The following DPP10 variants were observed in gnomAD, a reference collection of about 807,000 sequenced individuals.
DPP10 encodes dipeptidyl peptidase like 10.
A neutral mutation model predicts 120.9 loss-of-function variants in DPP10; 33 were observed. The ratio of observed to expected loss-of-function variants is 0.27; its 90% CI spans 0.21 to 0.37. The LOEUF is 0.37. DPP10 is among the 10% of genes least tolerant of loss of function. The pLI is 1.00. For missense variants in DPP10, 816 were observed against 942.8 expected, an observed-to-expected ratio of 0.87 and a Z score of 1.76; for synonymous variants, 337 against 326.1, an observed-to-expected ratio of 1.03 and a Z score of -0.36.
chr2:114,804,439 G>C lies in DPP10; in HGVS notation c.60+361601G>C, dbSNP rs571931217. On this transcript the variant is annotated intron_variant, in intron 1 of 25. Transcript: ENST00000410059. ...GGTAGATCCACCAACAGCTTGCACT[G>C]TGCACCTGAAAAGCCACAGACACTC... is the stretch of plus-strand genomic sequence containing the variant. Among the ~76,000 whole-genome samples the C allele has an allele frequency of 2.1e-4, 32 of 152,246 alleles. 1 individual carries two copies. Among genetic ancestry groups the C allele is most frequent in the African/African-American group, 7.7e-4 (32 of 41,528 alleles).
intron 1 of DPP10, among the ~76,000 whole-genome samples, chr2:114,854,349 T>C (rs576964288): frequency 6.6e-6 from 1 of 152,334 alleles, no homozygotes; most frequent in East Asian, 1.9e-4. Context: ...GAAATAAATA[T>C]TAGAGTTTAT....
intron 1 of DPP10, among the ~76,000 whole-genome samples, chr2:114,945,169 A>G (rs558527386): frequency 5.9e-5 from 9 of 152,356 alleles, no homozygotes; most frequent in African/African-American, 2.2e-4. Context: ...AAATCTATGT[A>G]AATTTGTGTT....
At chr2:115,655,121 A>G (rs1432620834) in intron 5 of DPP10, among the ~76,000 whole-genome samples, 1 of 151,692 alleles carries the variant, frequency 6.6e-6, no homozygotes. Context: ...ACTGGAGATG[A>G]AGTTGGGTTG....
At chr2:115,354,719 G>C (rs2064258577) in intron 3 of DPP10, among the ~76,000 whole-genome samples, 1 of 150,990 alleles carries the variant, frequency 6.6e-6, no homozygotes, top group Non-Finnish European at 1.5e-5. Context: ...CCCAACAATA[G>C]GCCCTGGTGT....
At chr2:114,945,114 C>T (rs987453014) in intron 1 of DPP10, among the ~76,000 whole-genome samples, 4 of 152,236 alleles carry the variant, frequency 2.6e-5, no homozygotes, top group East Asian at 1.9e-4. Context: ...ACAGGTTACA[C>T]GTAAAATGCA....
intron 4 of DPP10, among the ~76,000 whole-genome samples, chr2:115,514,414 T>C (rs547130346): frequency 3.3e-5 from 5 of 151,888 alleles, no homozygotes; most frequent in African/African-American, 1.2e-4. Context: ...TTTTAAATAT[T>C]GGATATGTCT....
intron 1 of DPP10, among the ~76,000 whole-genome samples, chr2:115,088,646 G>T (rs1402244881): frequency 1.4e-5 from 2 of 145,278 alleles, no homozygotes; most frequent in Non-Finnish European, 3.0e-5. Context: ...GGATCTCACT[G>T]TGTTGCCCAG....
intron 5 of DPP10, among the ~76,000 whole-genome samples, chr2:115,655,216 A>G (rs1398716277): frequency 1.3e-5 from 2 of 151,624 alleles, no homozygotes; most frequent in Non-Finnish European, 3.0e-5. Flanking sequence ...GTAACTTTTT[A>G]GGCTTTATTT....
chr2:115,204,484 T>C (rs2055975972), intron 1 of DPP10, among the ~76,000 whole-genome samples: 1 of 152,106 alleles, frequency 6.6e-6, no homozygotes, highest in Admixed American at 6.6e-5. Context: ...AAAAATAGCC[T>C]TTTGACAATG....
chr2:114,463,912 T>C (rs150756157), intron 1 of DPP10, among the ~76,000 whole-genome samples: 5 of 152,320 alleles, frequency 3.3e-5, no homozygotes, highest in Admixed American at 3.3e-4. Context: ...CCTTTTCAGA[T>C]AGGCTTTTTT....
intron 7 of DPP10, among the ~76,000 whole-genome samples, chr2:115,711,326 A>G (rs2092307429): frequency 6.6e-6 from 1 of 152,166 alleles, no homozygotes; most frequent in South Asian, 2.1e-4. Flanking sequence ...TGTTAGAGAA[A>G]TTAAAGATGA....
At chr2:115,310,505 CAT>C (rs1559402381) in intron 2 of DPP10, among the ~76,000 whole-genome samples, 1 of 151,850 alleles carries the variant, frequency 6.6e-6, no homozygotes, top group Non-Finnish European at 1.5e-5. Context: ...TGTTAGTTAA[CAT>C]GTGGAGAGGT....
chr2:114,795,569 C>T (rs764842730), intron 1 of DPP10, among the ~76,000 whole-genome samples: 36 of 151,958 alleles, frequency 2.4e-4, no homozygotes, highest in Non-Finnish European at 3.5e-4. Context: ...TATAGTGCAC[C>T]GTTCTCAATT....
chr2:115,424,852 G>T (rs1292136411), intron 3 of DPP10, among the ~76,000 whole-genome samples: 1 of 152,156 alleles, frequency 6.6e-6, no homozygotes, highest in African/African-American at 2.4e-5. Flanking sequence ...CAATTTAAGT[G>T]ATTTGAGATT....
At chr2:115,027,244 T>C (rs1015113967) in intron 1 of DPP10, among the ~76,000 whole-genome samples, 1 of 152,198 alleles carries the variant, frequency 6.6e-6, no homozygotes, top group African/African-American at 2.4e-5. Flanking sequence ...TGCAGAGTCT[T>C]TATGTTTTCC....
chr2:115,213,078 A>C (rs2056619343), intron 1 of DPP10, among the ~76,000 whole-genome samples: 1 of 152,190 alleles, frequency 6.6e-6, no homozygotes. Flanking sequence ...AAGGGCTATA[A>C]CATGTACATT....
At chr2:115,632,859 T>A (rs938201871) in intron 5 of DPP10, among the ~76,000 whole-genome samples, 4 of 152,126 alleles carry the variant, frequency 2.6e-5, no homozygotes, top group African/African-American at 7.2e-5. Context: ...ATCAGAGAAA[T>A]GCAAATCAAA....
intron 1 of DPP10, among the ~76,000 whole-genome samples, chr2:115,069,627 T>C (rs932764160): frequency 7.2e-5 from 11 of 152,076 alleles, no homozygotes; most frequent in East Asian, 1.9e-4. Context: ...GTCTTTGATT[T>C]TGTTGGAAAT....
At chr2:115,576,331 G>A (rs2081653288) in intron 5 of DPP10, among the ~76,000 whole-genome samples, 1 of 152,200 alleles carries the variant, frequency 6.6e-6, no homozygotes, top group African/African-American at 2.4e-5. Context: ...GTTGAATGGT[G>A]TATAGCAGTG....
Sources: gnomAD v4.1 joint callset for allele counts (sites outside exome capture counted in the v4.1 genomes callset) on GRCh38, gnomAD v4.1.1 for gene constraint, MANE v1.5 for transcripts, NCBI Gene and HGNC (gene_info 2026-07-23, HGNC 2026-07-21) for gene names.